MGAM: variants seen among roughly 807,000 people sequenced by gnomAD.
The protein encoded by MGAM is maltase-glucoamylase.
A neutral mutation model predicts 358.8 loss-of-function variants in MGAM; 253 were observed. The ratio of observed to expected loss-of-function variants is 0.71; its 90% CI spans 0.64 to 0.78. The LOEUF is 0.78. Among genes scored for constraint, MGAM ranks in the 30% least tolerant of loss-of-function variants. The pLI is 0.00. For synonymous variants in MGAM, 1,105 were observed against 1,227.1 expected, an observed-to-expected ratio of 0.90 and a Z score of 2.08; for missense variants, 3,080 against 3,432.6, an observed-to-expected ratio of 0.90 and a Z score of 2.57.
chr7:142,060,589 A>G (rs962380609), intron 34 of MGAM, among the ~76,000 whole-genome samples: 28 of 152,254 alleles, frequency 1.8e-4, no homozygotes, highest in Admixed American at 1.7e-3. Context: ...TATCCTTGGA[A>G]TTTAAGACCA....
chr7:142,068,511 C>G lies in MGAM; in HGVS notation c.5005-136C>G. On this transcript the variant is annotated intron_variant, in intron 42 of 70. Transcript: ENST00000475668. ...AAAGAAAACAGGAAGAAGGTTGCCCCAGTTGTTAACCTCTTGGGACATGAG... is the reference window on the plus strand; with the variant it reads ...AAAGAAAACAGGAAGAAGGTTGCCCGAGTTGTTAACCTCTTGGGACATGAG... The G allele has an allele frequency of 3.0e-6, 2 of 676,686 alleles. 1 individual carries two copies. The highest frequency in any genetic ancestry group is 5.1e-6 in the Non-Finnish European group (2 of 394,084). 41.9% of individuals were successfully genotyped at this position (676,686 alleles called of 1,614,324 possible). A position where few individuals can be genotyped will look rare whatever the true frequency, so the allele number is the denominator to read the frequency against.
chr7:142,053,762 G>C (rs79687383), intron 26 of MGAM, among the ~76,000 whole-genome samples: 3 of 152,128 alleles, frequency 2.0e-5, no homozygotes, highest in Non-Finnish European at 4.4e-5. Flanking sequence ...TGCCTGAAAG[G>C]TTCTTTACAA....
chr7:142,056,944 TA>T lies in MGAM; in HGVS notation c.3693+3del, dbSNP rs746482447. On this transcript the variant is annotated splice_donor_region_variant and intron_variant, in intron 30 of 70. Transcript: ENST00000475668. ...CTTGTCACCCAGCAGTACACTGAGG[TA>T]GGGGGAAATCCAATTGTTTATCAAG... 1.2e-6 allele frequency: 2 copies of T among 1,613,312 alleles called. No homozygotes were observed. Among genetic ancestry groups the T allele is most frequent in the Non-Finnish European group, 1.7e-6 (2 of 1,179,480 alleles).
rs192291189 is a variant in MGAM, at chr7:142,040,488, G to A, written c.2374-234G>A. 4.8e-4 allele frequency: 290 copies of A among 600,290 alleles called. 2 individuals carry two copies. The highest frequency in any genetic ancestry group is 5.9e-4 in the Non-Finnish European group (204 of 346,022). The allele number at this position is 600,290 out of a possible 1,614,324, so 37.2% of individuals were successfully genotyped here. On this transcript the variant is annotated intron_variant, in intron 20 of 70. Coordinates refer to ENST00000475668, the MANE Select transcript of MGAM (RefSeq NM_001365693.1). ...TCAGACTATCTGTTTAAAACTATCA[G>A]TTTATATAATATATCAAATAGCCTC...
chr7:142,088,863 A>ATCTATCTATCTATCTG, intron 57 of MGAM, among the ~76,000 whole-genome samples: 1 of 137,044 alleles, frequency 7.3e-6, no homozygotes, highest in Admixed American at 7.5e-5. Context: ...CTATCTATCT[A>ATCTATCTATCTATCTG]TCTATCTAAT....
chr7:142,094,266 C>A lies in MGAM; in HGVS notation c.7173-98C>A. 3 of 1,372,542 alleles carry A rather than the reference C, an allele frequency of 2.2e-6. 1 individual carries two copies. Among genetic ancestry groups the A allele is most frequent in the South Asian group, 1.3e-5 (1 of 77,540 alleles). 85.0% of individuals were successfully genotyped at this position (1,372,542 alleles called of 1,614,324 possible). A position where few individuals can be genotyped will look rare whatever the true frequency, so the allele number is the denominator to read the frequency against. On this transcript the variant is annotated intron_variant, in intron 60 of 70. Coordinates refer to ENST00000475668, the MANE Select transcript of MGAM (RefSeq NM_001365693.1). Reference sequence around the variant, plus strand: ...TCCCGTGTTCCCTCCAATCACGCAGCAAACATTGACTAGGCTCAAGGGCTC... The same window carrying A: ...TCCCGTGTTCCCTCCAATCACGCAGAAAACATTGACTAGGCTCAAGGGCTC...
rs1468520127 is a variant in MGAM, at chr7:142,048,349, C to T, written c.2587+476C>T. On this transcript the variant is annotated intron_variant, in intron 22 of 70. Transcript: ENST00000475668. The stretch of plus-strand genomic sequence containing the variant: ...ATGTTTAGTAGAGATGAGGTTTCAC[C>T]GTGTTAGCCAGGATGATCTCGATCT... Among the ~76,000 whole-genome samples, 7 of 151,522 alleles carry T rather than the reference C, an allele frequency of 4.6e-5. No homozygotes were observed. In the South Asian group the frequency reaches 1.0e-3, roughly 23 times the overall value.
chr7:142,096,362 G>T lies in MGAM; in HGVS notation c.7639G>T (p.Asp2547Tyr). 1.9e-6 allele frequency: 3 copies of T among 1,613,760 alleles called. No individual in the cohort carries two copies. The highest frequency in any genetic ancestry group is 8.5e-7 in the Non-Finnish European group (1 of 1,179,724). ...FVSDQVTWDI[D>Y]SQFLLGPAFL... is the part of the protein sequence containing the mutation. The stretch of plus-strand genomic sequence containing the variant: ...GTCAGACCAGGTGACATGGGACATA[G>T]ACAGTCAGTTCCTGCTGGGCCCAGC... The change falls in exon 65 of 71, where the codon GAC (aspartate) becomes TAC (tyrosine). Residue 2547 changes from aspartate to tyrosine, a missense_variant. Around this residue, in one of 5 missense-constraint regions of MGAM, gnomAD observed 932 missense variants for 1,198.2 expected, o/e 0.78. Coordinates refer to ENST00000475668, the MANE Select transcript of MGAM (RefSeq NM_001365693.1).
At chr7:142,026,044 C>G (rs542805466) in intron 8 of MGAM, among the ~76,000 whole-genome samples, 1 of 152,166 alleles carries the variant, frequency 6.6e-6, no homozygotes, top group East Asian at 1.9e-4. Flanking sequence ...CCACAAGATC[C>G]TAGATACTCT....
intron 16 of MGAM, 128 bp from the exon 17 acceptor site, chr7:142,036,041 T>A (rs781783884): frequency 2.9e-5 from 19 of 663,862 alleles, no homozygotes; most frequent in Non-Finnish European, 4.5e-5. Flanking sequence ...ATGACCAAAT[T>A]TTGACCACCC....
chr7:142,027,343 A>G (rs1807073865), intron 9 of MGAM, 116 bp downstream of exon 9: 4 of 865,580 alleles, frequency 4.6e-6, no homozygotes, highest in Non-Finnish European at 7.3e-6. Flanking sequence ...AATTTGAGAT[A>G]TTAAAGAACA....
rs143195040 is a variant in MGAM at position 142,086,090 on chromosome 7, T to A, written c.6637-128T>A. On this transcript the variant is annotated intron_variant, in intron 55 of 70. Coordinates refer to ENST00000475668, the MANE Select transcript of MGAM (RefSeq NM_001365693.1). ...GTGTAGTAAGAAATGTGTATTTCCC[T>A]GGACTCACAGAAACTCTACAGTTCA... is the stretch of plus-strand genomic sequence containing the variant. 5.2e-4 allele frequency: 752 copies of A among 1,452,122 alleles called. 39 individuals carry two copies. In the African/African-American group the frequency reaches 7.8e-3, roughly 15 times the overall value. 90.0% of individuals were successfully genotyped at this position (1,452,122 alleles called of 1,614,324 possible). A position where few individuals can be genotyped will look rare whatever the true frequency, so the allele number is the denominator to read the frequency against.
At chr7:142,045,223 A>AT (rs1809984512) in intron 21 of MGAM, among the ~76,000 whole-genome samples, 1 of 80,566 alleles carries the variant, frequency 1.2e-5, no homozygotes, top group Non-Finnish European at 2.2e-5. Flanking sequence ...ATATGTATAT[A>AT]ATATATATTA....
At chr7:142,032,077 G>A (rs937028859) in intron 13 of MGAM, among the ~76,000 whole-genome samples, 2 of 138,436 alleles carry the variant, frequency 1.4e-5, no homozygotes, top group Non-Finnish European at 3.0e-5. Flanking sequence ...GCTGAAGTCA[G>A]AATAGGTCAT....
chr7:142,092,384 A>G lies in MGAM; in HGVS notation c.6946-137A>G, dbSNP rs751417657. On this transcript the variant is annotated intron_variant, in intron 58 of 70. Coordinates refer to ENST00000475668, the MANE Select transcript of MGAM (RefSeq NM_001365693.1). Reference sequence around the variant, plus strand: ...ATCTTTCTAGCCAGTTCTCACCAGGATTTGATGAAGCTCCCAGGGCTGGCA... The same window carrying G: ...ATCTTTCTAGCCAGTTCTCACCAGGGTTTGATGAAGCTCCCAGGGCTGGCA... 2.0e-5 allele frequency: 19 copies of G among 950,956 alleles called. 1 individual carries two copies. In the Middle Eastern group the frequency reaches 1.3e-3, roughly 65 times the overall value. 58.9% of individuals were successfully genotyped at this position (950,956 alleles called of 1,614,324 possible).
chr7:141,987,252 G>T (rs1327347459), intron 2 of MGAM, among the ~76,000 whole-genome samples: 1 of 152,160 alleles, frequency 6.6e-6, no homozygotes, highest in Non-Finnish European at 1.5e-5. Flanking sequence ...GAAATGAAAA[G>T]AATACTGGCA....
At chr7:142,039,087 G>T (rs2960751) in intron 19 of MGAM, among the ~76,000 whole-genome samples, 1 of 150,014 alleles carries the variant, frequency 6.7e-6, no homozygotes, top group Non-Finnish European at 1.5e-5. Flanking sequence ...GACGGGGTGG[G>T]GGGAGTTGCC....
At chr7:142,046,332 G>A (rs775108032) in intron 21 of MGAM, among the ~76,000 whole-genome samples, 6 of 151,498 alleles carry the variant, frequency 4.0e-5, no homozygotes, top group Non-Finnish European at 8.8e-5. Flanking sequence ...CTTTCATGTT[G>A]ACTTATTACC....
At position 142,105,970 on chromosome 7, in the gene MGAM, G is replaced by A; in HGVS notation, c.*79G>A. The A allele has an allele frequency of 8.6e-7, 1 of 1,162,694 alleles. No homozygotes were observed. Among genetic ancestry groups the A allele is most frequent in the Non-Finnish European group, 1.3e-6 (1 of 782,614 alleles). 72.0% of individuals were successfully genotyped at this position (1,162,694 alleles called of 1,614,324 possible). A position where few individuals can be genotyped will look rare whatever the true frequency, so the allele number is the denominator to read the frequency against. Reference sequence around the variant, plus strand: ...TTCATACTCATAAAAATTATTGTGTGTTGCTAATTTGTTCATACCCACTAT... The same window carrying A: ...TTCATACTCATAAAAATTATTGTGTATTGCTAATTTGTTCATACCCACTAT... On this transcript the variant is annotated 3_prime_UTR_variant, in exon 71 of 71. Coordinates refer to ENST00000475668, the MANE Select transcript of MGAM (RefSeq NM_001365693.1).
Sources: allele counts gnomAD v4.1 joint callset (sites outside exome capture counted in the v4.1 genomes callset), GRCh38; gene constraint gnomAD v4.1.1; regional missense constraint gnomAD v4.1.1; transcripts MANE v1.5; gene names NCBI Gene and HGNC (gene_info 2026-07-23, HGNC 2026-07-21).